The following TMCO4 variants were observed in gnomAD, a reference collection of about 807,000 sequenced individuals.
TMCO4 encodes the protein transmembrane and coiled-coil domains 4, also known as transmembrane and coiled-coil domain-containing protein 4.
Under a neutral mutation model 64.7 loss-of-function variants are expected in TMCO4, and 58 were observed. The observed-to-expected ratio is 0.90, with a 90% CI of 0.73 to 1.12. The LOEUF (loss-of-function observed/expected upper bound fraction) is 1.12, where lower values mean the gene tolerates loss of function less well. Among genes scored for constraint, TMCO4 ranks in the 50% most tolerant of loss-of-function variants. The pLI is 0.00. For missense variants in TMCO4, 780 were observed against 825.9 expected (o/e 0.94, Z 0.68); for synonymous variants, 325 against 346.1 (o/e 0.94, Z 0.68).
At chr1:19,691,996 T>C (rs1396711774) in intron 15 of TMCO4, among the ~76,000 whole-genome samples, 1 of 152,188 alleles carries the variant, frequency 6.6e-6, no homozygotes, top group Non-Finnish European at 1.5e-5. Flanking sequence ...TCCGCCATGA[T>C]TGTGAGGCCT....
chr1:19,786,684 G>A (rs1330964323), intron 3 of TMCO4, among the ~76,000 whole-genome samples: 4 of 152,176 alleles, frequency 2.6e-5, no homozygotes, highest in Non-Finnish European at 4.4e-5. Context: ...GAATGAGGGT[G>A]CATGGAACCT....
chr1:19,764,899 G>C (rs1332027485), intron 6 of TMCO4, among the ~76,000 whole-genome samples: 1 of 149,116 alleles, frequency 6.7e-6, no homozygotes. Flanking sequence ...GCAGCCAGGT[G>C]ACAATATTTG....
intron 15 of TMCO4, among the ~76,000 whole-genome samples, chr1:19,685,170 A>G (rs2100509980): frequency 6.6e-6 from 1 of 152,336 alleles, no homozygotes; most frequent in African/African-American, 2.4e-5. Context: ...ACAAAAAAAT[A>G]CAAAAATTAG....
In TMCO4 at chr1:19,732,593, T is replaced by C. The variant is rs2095434691; in HGVS notation, c.1264+4779A>G. Among the ~76,000 whole-genome samples, 2 of 152,130 alleles carry C rather than the reference T, an allele frequency of 1.3e-5. No individual in the cohort carries two copies. Among genetic ancestry groups the C allele is most frequent in the South Asian group, 2.1e-4 (1 of 4,810 alleles). ...GGAGGGAAACTATCAGGCTGATTAATAACAAAGACAGTGGGGGCTGGGCAT... is the reference window on the plus strand; with the variant it reads ...GGAGGGAAACTATCAGGCTGATTAACAACAAAGACAGTGGGGGCTGGGCAT... On this transcript the variant is annotated intron_variant, in intron 13 of 15. Transcript: ENST00000294543. This position sits in a 1 kb window ranked among gnomAD's most constrained non-coding sequence, Gnocchi z 4.8.
intron 15 of TMCO4, among the ~76,000 whole-genome samples, chr1:19,693,562 C>T (rs2095214591): frequency 6.6e-6 from 1 of 152,206 alleles, no homozygotes; most frequent in Non-Finnish European, 1.5e-5. Context: ...CCATTCACTG[C>T]AAGAATTCTT....
chr1:19,750,700 T>G (rs1308586805), intron 7 of TMCO4, among the ~76,000 whole-genome samples: 1 of 152,130 alleles, frequency 6.6e-6, no homozygotes, highest in Admixed American at 6.5e-5. Flanking sequence ...CACTGACACA[T>G]CACCCTTGGG....
chr1:19,738,809 G>T (rs2095467062), intron 12 of TMCO4, among the ~76,000 whole-genome samples: 1 of 152,130 alleles, frequency 6.6e-6, no homozygotes, highest in African/African-American at 2.4e-5. Flanking sequence ...ATTTCAGCTG[G>T]GTTCATCATC....
At chr1:19,739,625 G>A (rs931360113) in intron 12 of TMCO4, among the ~76,000 whole-genome samples, 199 bp downstream of exon 12, 2 of 152,168 alleles carry the variant, frequency 1.3e-5, no homozygotes, top group Non-Finnish European at 2.9e-5. Flanking sequence ...TGCTAGAGCT[G>A]CAGAGTCTAT....
At chr1:19,764,287 C>G (rs772383578) in intron 6 of TMCO4, among the ~76,000 whole-genome samples, 1 of 152,222 alleles carries the variant, frequency 6.6e-6, no homozygotes, top group African/African-American at 2.4e-5. Context: ...CCAGCTTGGG[C>G]AGGCATTTCA....
intron 2 of TMCO4, among the ~76,000 whole-genome samples, chr1:19,788,059 T>A (rs2043832206): frequency 6.6e-6 from 1 of 152,122 alleles, no homozygotes; most frequent in Non-Finnish European, 1.5e-5. Context: ...ACCCAGCCCT[T>A]AGTGCCATTT....
chr1:19,787,729 G>A (rs146917788), intron 2 of TMCO4, among the ~76,000 whole-genome samples: 2 of 152,248 alleles, frequency 1.3e-5, no homozygotes, highest in South Asian at 2.1e-4. Context: ...ACTAATTTGA[G>A]CTTCATCCTT....
intron 2 of TMCO4, among the ~76,000 whole-genome samples, chr1:19,793,123 G>A (rs1457942673): frequency 6.6e-6 from 1 of 152,032 alleles, no homozygotes; most frequent in African/African-American, 2.4e-5. Flanking sequence ...CTATATTAGT[G>A]TGCCGCCTCT....
At position 19,683,064 on chromosome 1, in the gene TMCO4, C is replaced by T. The variant is rs1384464199; in HGVS notation, c.1881G>A (p.Gln627=). 3 of 1,596,528 alleles carry T rather than the reference C, an allele frequency of 1.9e-6. No individual in the cohort carries two copies. In the African/African-American group the frequency reaches 4.0e-5, roughly 21 times the overall value. The change falls in exon 16 of 16, where the codon CAG becomes CAA. Residue 627 remains glutamine, a synonymous_variant. Transcript: ENST00000294543. Reference sequence around the variant, plus strand: ...GTCAGTCCAGCCCCGTGCTGGGGCCCTGGGTCTTGCAGGCACAATCGGGGC... The same window carrying T: ...GTCAGTCCAGCCCCGTGCTGGGGCCTTGGGTCTTGCAGGCACAATCGGGGC... ...LGCPDCACKT[Q]GPSTGLD
intron 7 of TMCO4, among the ~76,000 whole-genome samples, chr1:19,748,382 T>C (rs2041881016): frequency 6.6e-6 from 1 of 152,196 alleles, no homozygotes. Context: ...GTCAATAAAG[T>C]TATATTGAGA....
At position 19,694,494 on chromosome 1, in the gene TMCO4, G is replaced by C. The variant is rs773897636; in HGVS notation, c.1440C>G (p.Ala480=). 1.7e-5 allele frequency: 28 copies of C among 1,613,970 alleles called. No individual in the cohort carries two copies. The highest frequency in any genetic ancestry group is 2.3e-5 in the Non-Finnish European group (27 of 1,179,972). The change falls in exon 15 of 16, where the codon GCC becomes GCG. Residue 480 remains alanine, a synonymous_variant. Coordinates refer to ENST00000294543, the MANE Select transcript of TMCO4 (RefSeq NM_181719.7). ...YRTSSVQLRV[A]GLQPVLLQDR... ...CCTGCAGCAGCACGGGCTGTAGGCC[G>C]GCGACACGGAGCTGCACCGAGGATG... is the stretch of plus-strand genomic sequence containing the variant.
chr1:19,794,128 C>T (rs143281262), intron 2 of TMCO4, among the ~76,000 whole-genome samples: 1,638 of 152,228 alleles, frequency 0.011, 88 homozygotes, highest in Admixed American at 0.09. Context: ...ATGCTCCCAC[C>T]TCACACAGAC....
chr1:19,694,374 T>A, intron 15 of TMCO4, 60 bp downstream of exon 15: 1 of 1,461,338 alleles, frequency 6.8e-7, no homozygotes, highest in South Asian at 1.2e-5. Context: ...GGGACAGGGG[T>A]GGCTGGGCTG....
At chr1:19,724,191 G>A (rs565673545) in intron 13 of TMCO4, among the ~76,000 whole-genome samples, 7 of 152,224 alleles carry the variant, frequency 4.6e-5, no homozygotes, top group Non-Finnish European at 5.9e-5. Flanking sequence ...ACATTAGTGA[G>A]CTCAGAGACA....
intron 13 of TMCO4, among the ~76,000 whole-genome samples, chr1:19,719,369 T>G (rs923933906): frequency 6.6e-6 from 1 of 152,164 alleles, no homozygotes; most frequent in African/African-American, 2.4e-5. Flanking sequence ...ACAGGAGAAA[T>G]ATGCAGTCAA....
Sources: allele counts gnomAD v4.1 joint callset (sites outside exome capture counted in the v4.1 genomes callset), GRCh38; gene constraint gnomAD v4.1.1; non-coding constraint Gnocchi (gnomAD v3.1); transcripts MANE v1.5; gene names NCBI Gene and HGNC (gene_info 2026-07-23, HGNC 2026-07-21).